DORIP1: variants seen among roughly 807,000 people sequenced by gnomAD.
DORIP1 encodes dopamine receptor interacting protein 1.
chr14:44,906,074 T>G, the DORIP1 span: 1 of 150,376 alleles, frequency 6.6e-6, no homozygotes, highest in African/African-American at 2.5e-5. Context: ...TTAGTTCGAT[T>G]TGCCTAGTAT....
At chr14:44,898,229 C>T in the DORIP1 span, among the ~76,000 whole-genome samples, 2 of 151,888 alleles carry the variant, frequency 1.3e-5, no homozygotes, top group Non-Finnish European at 2.9e-5. Flanking sequence ...TTTTTCCCCA[C>T]CCCTCATTTT....
At chr14:44,897,550 GT>G in the DORIP1 span, 1 of 203,000 alleles carries the variant, frequency 4.9e-6, no homozygotes, top group Non-Finnish European at 9.7e-6. Flanking sequence ...GGCACCGGCA[GT>G]TTTCGGTCCC....
the DORIP1 span, among the ~76,000 whole-genome samples, chr14:44,897,728 G>T: frequency 0.046 from 6,974 of 152,144 alleles, 513 homozygotes; most frequent in African/African-American, 0.16. Flanking sequence ...CCCCTAACTC[G>T]GGGACCCGCC....
the DORIP1 span, chr14:44,900,489 A>T: frequency 1.3e-6 from 2 of 1,572,250 alleles, no homozygotes; most frequent in Non-Finnish European, 1.7e-6. Context: ...ACTATAACCA[A>T]GATCGATCAT....
chr14:44,900,463 G>A, the DORIP1 span: 1 of 1,544,512 alleles, frequency 6.5e-7, no homozygotes, highest in Non-Finnish European at 8.7e-7. Flanking sequence ...AGAGATCAAA[G>A]CATCAATTAA....
At chr14:44,903,103 A>G in the DORIP1 span, 16 of 764,704 alleles carry the variant, frequency 2.1e-5, no homozygotes, top group East Asian at 3.2e-4. Flanking sequence ...TATACTTGGT[A>G]TAACTGGTTT....
chr14:44,902,096 T>TA, the DORIP1 span, among the ~76,000 whole-genome samples: 1 of 152,228 alleles, frequency 6.6e-6, no homozygotes, highest in Non-Finnish European at 1.5e-5. Flanking sequence ...TTGTTAAACT[T>TA]ACATTTCTCT....
the DORIP1 span, chr14:44,901,021 A>G: frequency 6.7e-7 from 1 of 1,493,392 alleles, no homozygotes; most frequent in Non-Finnish European, 9.0e-7. Flanking sequence ...TGCTTTAGAT[A>G]TGTAGTCGTG....
chr14:44,899,150 T>G, the DORIP1 span: 1 of 152,214 alleles, frequency 6.6e-6, no homozygotes, highest in African/African-American at 2.4e-5. Context: ...TCAATACAAT[T>G]GTAAAAAGAA....
the DORIP1 span, chr14:44,904,368 A>G: frequency 6.3e-7 from 1 of 1,597,208 alleles, no homozygotes; most frequent in Non-Finnish European, 8.5e-7. Flanking sequence ...CAAGTGTAAT[A>G]ATGTTCATGC....
chr14:44,900,524 G>A, the DORIP1 span: 13 of 1,599,116 alleles, frequency 8.1e-6, no homozygotes, highest in Non-Finnish European at 1.1e-5. Context: ...CTTCCTTGGG[G>A]GGGTGTTTTT....
chr14:44,904,253 C>A, the DORIP1 span: 2 of 1,390,974 alleles, frequency 1.4e-6, no homozygotes, highest in Non-Finnish European at 9.3e-7. Flanking sequence ...GTAGTAATTA[C>A]CCTATAACTA....
the DORIP1 span, among the ~76,000 whole-genome samples, chr14:44,902,239 A>C: frequency 2.6e-5 from 4 of 152,220 alleles, no homozygotes; most frequent in Non-Finnish European, 5.9e-5. Flanking sequence ...CCCGGGCTCA[A>C]GTGATCCTCC....
At chr14:44,900,895 T>C in the DORIP1 span, 1 of 1,613,002 alleles carries the variant, frequency 6.2e-7, no homozygotes, top group Non-Finnish European at 8.5e-7. Flanking sequence ...TCAAGAGAGT[T>C]ACTGTTCCAA....
At chr14:44,903,290 A>G in the DORIP1 span, 26 of 1,610,884 alleles carry the variant, frequency 1.6e-5, no homozygotes, top group Non-Finnish European at 2.2e-5. Flanking sequence ...CTGTGTGAAG[A>G]GCATGGGTGA....
the DORIP1 span, among the ~76,000 whole-genome samples, chr14:44,899,767 A>G: frequency 0.019 from 2,916 of 151,560 alleles, 57 homozygotes; most frequent in Non-Finnish European, 0.03. Flanking sequence ...GGAGGTTTAC[A>G]TTAGGAATAT....
the DORIP1 span, chr14:44,903,484 C>A: frequency 8.2e-7 from 1 of 1,222,940 alleles, no homozygotes; most frequent in Non-Finnish European, 1.0e-6. Flanking sequence ...GAATACAAAG[C>A]AAATACCTTT....
At chr14:44,899,323 T>C in the DORIP1 span, 1 of 152,198 alleles carries the variant, frequency 6.6e-6, no homozygotes, top group South Asian at 2.1e-4. Context: ...TCTGAAAACA[T>C]GCATAGGGAA....
chr14:44,904,566 T>A, the DORIP1 span: 3 of 1,532,672 alleles, frequency 2.0e-6, no homozygotes, highest in Non-Finnish European at 1.8e-6. Flanking sequence ...ATAAAACTAA[T>A]AAAAAAAATT....
Sources: allele counts gnomAD v4.1 joint callset (sites outside exome capture counted in the v4.1 genomes callset), GRCh38; gene constraint gnomAD v4.1.1; transcripts MANE v1.5; gene names NCBI Gene and HGNC (gene_info 2026-07-23, HGNC 2026-07-21).